Variants in CD2AP observed in about 807,000 individuals in gnomAD.
CD2AP encodes CD2 associated protein.
CD2AP carries 46 observed loss-of-function variants against 85.1 expected under a neutral mutation model. The ratio of observed to expected loss-of-function variants is 0.54; its 90% CI spans 0.43 to 0.69. The LOEUF (loss-of-function observed/expected upper bound fraction) is 0.69, where lower values mean the gene tolerates loss of function less well. Ranked by LOEUF, CD2AP falls within the 30% of genes least tolerant of loss-of-function variation. The pLI is 0.00. For missense variants in CD2AP, 769 were observed against 729.5 expected, an observed-to-expected ratio of 1.05 and a Z score of -0.62; for synonymous variants, 255 against 252.9, an observed-to-expected ratio of 1.01 and a Z score of -0.08.
chr6:47,583,107 G>T lies in CD2AP; in HGVS notation c.1108+1042G>T, dbSNP rs118161770. ...CCAGTATCATTTTTTTAAGGAGACTGTTTTTTAGAGCAGTTTTAGGTTCAC... is the reference window on the plus strand; with the variant it reads ...CCAGTATCATTTTTTTAAGGAGACTTTTTTTTAGAGCAGTTTTAGGTTCAC... On this transcript the variant is annotated intron_variant, in intron 11 of 17. Transcript: ENST00000359314. 4.7e-4 allele frequency among the ~76,000 whole-genome samples: 72 copies of T among 152,158 alleles called. 3 individuals are homozygous for T. The East Asian group carries it at 0.014, about 29-fold the overall frequency.
At chr6:47,551,949 T>C (rs988821518) in intron 4 of CD2AP, among the ~76,000 whole-genome samples, 24 of 152,208 alleles carry the variant, frequency 1.6e-4, no homozygotes, top group Non-Finnish European at 3.2e-4. Context: ...TCAGCACATA[T>C]TAGCTTTATT....
chr6:47,589,495 CATAT>C (rs1049328392), intron 11 of CD2AP, among the ~76,000 whole-genome samples: 1 of 147,768 alleles, frequency 6.8e-6, no homozygotes, highest in Non-Finnish European at 1.5e-5. Context: ...TGTATGTGCA[CATAT>C]ATATACACAT....
chr6:47,610,971 A>ATATATATATATT, intron 16 of CD2AP, among the ~76,000 whole-genome samples: 11 of 112,870 alleles, frequency 9.7e-5, no homozygotes, highest in Admixed American at 4.5e-4. Flanking sequence ...ATATATATGT[A>ATATATATATATT]TTTTTTTTTT....
intron 9 of CD2AP, 42 bp downstream of exon 9, chr6:47,579,531 A>C: frequency 8.0e-7 from 1 of 1,250,584 alleles, no homozygotes; most frequent in Non-Finnish European, 1.2e-6. Flanking sequence ...TTGAAAGAAC[A>C]TTTTGCCACT....
chr6:47,620,571 C>T (rs1374494293), intron 17 of CD2AP, among the ~76,000 whole-genome samples: 1 of 151,898 alleles, frequency 6.6e-6, no homozygotes, highest in Non-Finnish European at 1.5e-5. Context: ...ATTGTTTTTT[C>T]CAATTCTGTG....
chr6:47,597,423 G>C lies in CD2AP; in HGVS notation c.1274+1397G>C. On this transcript the variant is annotated intron_variant, in intron 12 of 17. Transcript: ENST00000359314. ...AGAAGCAGACAGCATAGAGGACCCAGAGGCTTGATGAGAGAATAAAAAAAG... is the reference window on the plus strand; with the variant it reads ...AGAAGCAGACAGCATAGAGGACCCACAGGCTTGATGAGAGAATAAAAAAAG... Among the ~76,000 whole-genome samples, 2 of 150,732 alleles carry C rather than the reference G, an allele frequency of 1.3e-5. 1 individual carries two copies. Among genetic ancestry groups the C allele is most frequent in the Non-Finnish European group, 3.0e-5 (2 of 67,162 alleles).
intron 12 of CD2AP, among the ~76,000 whole-genome samples, chr6:47,598,933 T>A (rs985406148): frequency 4.7e-5 from 7 of 150,294 alleles, no homozygotes; most frequent in South Asian, 2.1e-4. Flanking sequence ...ATAAAAAAAA[T>A]TTAAAAAAAA....
chr6:47,557,615 T>G (rs907584355), intron 5 of CD2AP, among the ~76,000 whole-genome samples: 21 of 152,334 alleles, frequency 1.4e-4, no homozygotes, highest in African/African-American at 4.8e-4. Context: ...TTGTCAGGTT[T>G]GTCAAAGATC....
At chr6:47,539,264 A>G (rs1412176626) in intron 3 of CD2AP, among the ~76,000 whole-genome samples, 5 of 152,230 alleles carry the variant, frequency 3.3e-5, no homozygotes, top group African/African-American at 1.2e-4. Flanking sequence ...TCAGAACTGT[A>G]TGAGAGACAT....
intron 7 of CD2AP, 34 bp downstream of exon 7, chr6:47,576,636 T>G: frequency 2.2e-6 from 3 of 1,390,290 alleles, no homozygotes; most frequent in Non-Finnish European, 3.1e-6. Context: ...ATATTGGGAA[T>G]AGTAGAAACA....
At chr6:47,623,442 C>A (rs4142971) in intron 17 of CD2AP, among the ~76,000 whole-genome samples, 38,244 of 152,074 alleles carry the variant, frequency 0.25, 5,514 homozygotes, top group East Asian at 0.6. Context: ...CTAAATCTTA[C>A]CATGACAAGT....
chr6:47,527,199 A>G (rs995894790), intron 2 of CD2AP, among the ~76,000 whole-genome samples: 10 of 152,182 alleles, frequency 6.6e-5, no homozygotes, highest in Middle Eastern at 6.3e-3. Flanking sequence ...CAGAAATCCT[A>G]CGTGTGGTAG....
chr6:47,617,119 C>A (rs1769613462), intron 17 of CD2AP, among the ~76,000 whole-genome samples: 1 of 152,090 alleles, frequency 6.6e-6, no homozygotes, highest in Non-Finnish European at 1.5e-5. Context: ...CATGCACTTT[C>A]ATGCCTGGTT....
intron 5 of CD2AP, among the ~76,000 whole-genome samples, chr6:47,561,523 G>T (rs577358364): frequency 1.4e-3 from 211 of 151,980 alleles, no homozygotes; most frequent in Non-Finnish European, 2.6e-3. Flanking sequence ...GATCTGGGTA[G>T]AGGTGTGGTC....
intron 13 of CD2AP, among the ~76,000 whole-genome samples, chr6:47,602,559 T>G (rs1443870340): frequency 2.0e-5 from 3 of 151,566 alleles, no homozygotes; most frequent in Admixed American, 1.3e-4. Flanking sequence ...CAGTGTAGTA[T>G]TGTTTTTCTG....
intron 1 of CD2AP, among the ~76,000 whole-genome samples, chr6:47,500,289 G>C (rs1405313390): frequency 6.6e-6 from 1 of 151,974 alleles, no homozygotes; most frequent in Non-Finnish European, 1.5e-5. Context: ...CCCTGTTTTA[G>C]CCCTGCATGC....
At chr6:47,551,907 A>G (rs1039765836) in intron 4 of CD2AP, among the ~76,000 whole-genome samples, 2 of 152,122 alleles carry the variant, frequency 1.3e-5, no homozygotes, top group African/African-American at 4.8e-5. Context: ...GACTTACTAT[A>G]TGGCAGTTCA....
chr6:47,574,254 G>T lies in CD2AP; in HGVS notation c.729+3G>T, dbSNP rs749542658. On this transcript the variant is annotated splice_donor_region_variant and intron_variant, in intron 6 of 17. Coordinates refer to ENST00000359314, the MANE Select transcript of CD2AP (RefSeq NM_012120.3). ...CAGAAGAGAAAAAACCAGAAAAGGT[G>T]GTAATGATGGACTTGTTAGATTAAC... The T allele has an allele frequency of 6.2e-7, 1 of 1,612,364 alleles. No individual in the cohort carries two copies. Among genetic ancestry groups the T allele is most frequent in the South Asian group, 1.1e-5 (1 of 90,972 alleles).
rs751035930 is a variant in CD2AP, at chr6:47,625,598, A to G, written c.*1371A>G. ...TTTGCAAAAAATTGTTTTATGCTTT[A>G]TTATATCGCAAATGAGTGTCAGATT... On this transcript the variant is annotated 3_prime_UTR_variant, in exon 18 of 18. Transcript: ENST00000359314. 1 of 151,794 alleles carries G rather than the reference A, an allele frequency of 6.6e-6. No homozygotes were observed. Among genetic ancestry groups the G allele is most frequent in the African/African-American group, 2.4e-5 (1 of 41,424 alleles). The allele number at this position is 151,794 out of a possible 1,614,324, so 9.4% of individuals were successfully genotyped here. A position where few individuals can be genotyped will look rare whatever the true frequency, so the allele number is the denominator to read the frequency against.
Sources: allele counts gnomAD v4.1 joint callset (sites outside exome capture counted in the v4.1 genomes callset), GRCh38; gene constraint gnomAD v4.1.1; transcripts MANE v1.5; gene names NCBI Gene and HGNC (gene_info 2026-07-23, HGNC 2026-07-21).